The following MITF variants were observed in gnomAD, a reference collection of about 807,000 sequenced individuals.
MITF encodes microphthalmia-associated transcription factor.
A neutral mutation model predicts 60.5 loss-of-function variants in MITF; 17 were observed. That is an observed-to-expected ratio of 0.28 (90% CI 0.19 to 0.42). MITF has a LOEUF of 0.42. Among genes scored for constraint, MITF ranks in the 10% least tolerant of loss-of-function variants. MITF has a pLI of 1.00. For missense variants in MITF, 622 were observed against 683.5 expected (o/e 0.91, Z 1.00); for synonymous variants, 260 against 248.5 (o/e 1.05, Z -0.43).
At chr3:69,805,295 A>G (rs1415041009) in intron 1 of MITF, among the ~76,000 whole-genome samples, 1 of 152,092 alleles carries the variant, frequency 6.6e-6, no homozygotes, top group Non-Finnish European at 1.5e-5. Flanking sequence ...ACCATTTATA[A>G]TTTTATCTAA....
chr3:69,839,336 C>A (rs559993176), intron 1 of MITF, among the ~76,000 whole-genome samples: 2 of 151,722 alleles, frequency 1.3e-5, no homozygotes, highest in African/African-American at 4.8e-5. Flanking sequence ...GATAAATGCC[C>A]CTTTTCATTA....
At chr3:69,900,063 A>G (rs1417768908) in intron 2 of MITF, among the ~76,000 whole-genome samples, 2 of 152,170 alleles carry the variant, frequency 1.3e-5, no homozygotes, top group African/African-American at 4.8e-5. Context: ...CTTAATATTC[A>G]AAGAAGTCTT....
chr3:69,898,380 G>A (rs1307290072), intron 2 of MITF, among the ~76,000 whole-genome samples: 1 of 152,240 alleles, frequency 6.6e-6, no homozygotes, highest in Non-Finnish European at 1.5e-5. Context: ...TAAGGACTGA[G>A]GCTGGAGAGA....
At chr3:69,902,574 C>T (rs929610338) in intron 2 of MITF, among the ~76,000 whole-genome samples, 3 of 152,302 alleles carry the variant, frequency 2.0e-5, no homozygotes, top group East Asian at 1.9e-4. Context: ...AAATAGATAG[C>T]TCATAGGTTA....
intron 1 of MITF, among the ~76,000 whole-genome samples, chr3:69,765,663 C>T (rs1208221135): frequency 2.0e-5 from 3 of 152,162 alleles, no homozygotes; most frequent in Non-Finnish European, 4.4e-5. Flanking sequence ...TGTTATCTTT[C>T]ATAAGAGAGT....
chr3:69,915,056 G>A (rs370398451), intron 2 of MITF, among the ~76,000 whole-genome samples: 3 of 152,154 alleles, frequency 2.0e-5, no homozygotes, highest in Non-Finnish European at 4.4e-5. Flanking sequence ...AACACCTTAC[G>A]AGAAGTGTAT....
intron 1 of MITF, among the ~76,000 whole-genome samples, chr3:69,782,313 G>C (rs1484153626): frequency 6.6e-6 from 1 of 152,208 alleles, no homozygotes; most frequent in Non-Finnish European, 1.5e-5. Context: ...CTATCAATCA[G>C]TGGATGCCAA....
intron 5 of MITF, among the ~76,000 whole-genome samples, chr3:69,946,345 G>C (rs990739683): frequency 1.3e-5 from 2 of 152,182 alleles, no homozygotes; most frequent in African/African-American, 4.8e-5. Flanking sequence ...CATTCGGCTA[G>C]TAAGCGGCAG....
chr3:69,757,560 AT>A (rs2062142918), intron 1 of MITF, among the ~76,000 whole-genome samples: 1 of 152,140 alleles, frequency 6.6e-6, no homozygotes, highest in African/African-American at 2.4e-5. Context: ...CGAACTCTGC[AT>A]TTTAGTGAGA....
At chr3:69,750,277 C>T (rs886446031) in intron 1 of MITF, among the ~76,000 whole-genome samples, 2 of 151,798 alleles carry the variant, frequency 1.3e-5, no homozygotes, top group African/African-American at 2.4e-5. Flanking sequence ...ATTGGTTTCA[C>T]GGGGGTGCAC....
At chr3:69,959,627 G>A (rs1477426623) in intron 9 of MITF, among the ~76,000 whole-genome samples, 1 of 152,320 alleles carries the variant, frequency 6.6e-6, no homozygotes, top group Non-Finnish European at 1.5e-5. Context: ...TCTTGGACAT[G>A]TGCAGAGTGG....
chr3:69,871,480 A>G (rs1360151645), intron 1 of MITF, among the ~76,000 whole-genome samples: 16 of 152,242 alleles, frequency 1.1e-4, no homozygotes, highest in Admixed American at 1.0e-3. Context: ...CAAGTGGGAC[A>G]GGATGCTGGG....
intron 3 of MITF, chr3:69,938,522 A>G: frequency 4.8e-6 from 7 of 1,446,172 alleles, no homozygotes; most frequent in Admixed American, 2.9e-5. Context: ...ATATGCATGG[A>G]TGGATTTGAA....
At chr3:69,810,747 C>CA (rs1288827276) in intron 1 of MITF, among the ~76,000 whole-genome samples, 3 of 152,110 alleles carry the variant, frequency 2.0e-5, no homozygotes, top group African/African-American at 7.2e-5. Context: ...GTTCATTTGA[C>CA]AGATATTTAC....
chr3:69,839,092 A>AT (rs2063585146), intron 1 of MITF, among the ~76,000 whole-genome samples: 1 of 151,504 alleles, frequency 6.6e-6, no homozygotes, highest in Non-Finnish European at 1.5e-5. Context: ...ACAGTTTTTC[A>AT]TTTTTTTCAT....
chr3:69,897,558 T>C (rs566815209), intron 2 of MITF, among the ~76,000 whole-genome samples: 1 of 152,128 alleles, frequency 6.6e-6, no homozygotes, highest in South Asian at 2.1e-4. Flanking sequence ...TTTCATAGGG[T>C]CTTTGGTTCC....
At chr3:69,832,940 T>C (rs1400058429) in intron 1 of MITF, among the ~76,000 whole-genome samples, 1 of 151,486 alleles carries the variant, frequency 6.6e-6, no homozygotes, top group Admixed American at 6.6e-5. Context: ...CTGGTTAGAC[T>C]GTATGTAGTT....
At chr3:69,837,562 A>G (rs1385684689) in intron 1 of MITF, among the ~76,000 whole-genome samples, 2 of 152,214 alleles carry the variant, frequency 1.3e-5, no homozygotes, top group African/African-American at 2.4e-5. Flanking sequence ...AACATTTGTA[A>G]TAAAAATAGT....
chr3:69,951,736 A>T, intron 6 of MITF, 76 bp from the exon 7 acceptor site: 2 of 1,079,476 alleles, frequency 1.9e-6, no homozygotes, highest in Non-Finnish European at 2.9e-6. Flanking sequence ...TGTTTGGGAA[A>T]TGAGATATTT....
Sources: gnomAD v4.1 joint callset for allele counts (sites outside exome capture counted in the v4.1 genomes callset) on GRCh38, gnomAD v4.1.1 for gene constraint, MANE v1.5 for transcripts, NCBI Gene and HGNC (gene_info 2026-07-23, HGNC 2026-07-21) for gene names.